Variants in DMP1 observed in about 807,000 individuals in gnomAD.
DMP1 encodes dentin matrix acidic phosphoprotein 1.
Under a neutral mutation model 14.6 loss-of-function variants are expected in DMP1, and 20 were observed. The ratio of observed to expected loss-of-function variants is 1.37; its 90% CI spans 0.96 to 1.99. DMP1 has a LOEUF of 1.99. Ranked by LOEUF, DMP1 falls within the 30% of genes most tolerant of loss-of-function variation. The pLI, the probability that DMP1 is intolerant of heterozygous loss-of-function variation, is 0.00. For synonymous variants in DMP1, 197 were observed against 215.3 expected (o/e 0.91, Z 0.75); for missense variants, 567 against 620.5 (o/e 0.91, Z 0.92).
intron 5 of DMP1, among the ~76,000 whole-genome samples, chr4:87,661,204 ATTTTTTTTTTTTTT>A (rs70957272): frequency 3.4e-3 from 226 of 66,642 alleles, no homozygotes; most frequent in African/African-American, 0.012. Context: ...CAGCCAGCTA[ATTTTTTTTTTTTTT>A]TTTTTTTTTT....
At position 87,663,242 on chromosome 4, in the gene DMP1, C is replaced by T. The variant is rs1172593023; in HGVS notation, c.1464C>T (p.Ser488=). ...DGQLKNIEIE[S]RKLTVDAYHN... ...AGTTGAAAAACATTGAGATAGAGAGCCGGAAATTAACAGTTGATGCCTATC... is the reference window on the plus strand; with the variant it reads ...AGTTGAAAAACATTGAGATAGAGAGTCGGAAATTAACAGTTGATGCCTATC... Residue 488 remains serine (S), a synonymous_variant, in exon 6 of 6, where the codon AGC becomes AGT. Coordinates refer to ENST00000339673, the MANE Select transcript of DMP1 (RefSeq NM_004407.4). 1.2e-6 allele frequency: 2 copies of T among 1,614,052 alleles called. No homozygotes were observed. Among genetic ancestry groups the T allele is most frequent in the African/African-American group, 2.7e-5 (2 of 74,912 alleles).
In DMP1 at chr4:87,659,218, A is replaced by T; in HGVS notation, c.103-2A>T. On this transcript the variant is annotated splice_acceptor_variant, in intron 3 of 5. Coordinates refer to ENST00000339673, the MANE Select transcript of DMP1 (RefSeq NM_004407.4). LOFTEE classifies it high-confidence loss of function. ...TGTTTTCCTTCCTTTCCTTTTTTGC[A>T]GGGTCATTTGGCTCAGGCACCAACA... is the stretch of plus-strand genomic sequence containing the variant. 2 of 1,613,786 alleles carry T rather than the reference A, an allele frequency of 1.2e-6. No homozygotes were observed. Among genetic ancestry groups the T allele is most frequent in the Non-Finnish European group, 1.7e-6 (2 of 1,179,882 alleles).
At chr4:87,652,829 A>G (rs1728559795) in intron 1 of DMP1, among the ~76,000 whole-genome samples, 1 of 152,242 alleles carries the variant, frequency 6.6e-6, no homozygotes. Context: ...TCATGAAATT[A>G]TAACCCTATT....
In DMP1 at chr4:87,662,260, C is replaced by T. The variant is rs1174460196; in HGVS notation, c.482C>T (p.Thr161Ile). ...APQGQDSAQD[T>I]TSESRELDNE... ...CAAGGGCAAGACAGTGCCCAAGATACCACCAGTGAGAGCAGGGAACTTGAC... is the reference window on the plus strand; with the variant it reads ...CAAGGGCAAGACAGTGCCCAAGATATCACCAGTGAGAGCAGGGAACTTGAC... The change falls in exon 6 of 6, where the codon ACC becomes ATC. Residue 161 changes from threonine (T) to isoleucine (I), a missense_variant. Physicochemically the swap from Thr to Ile is moderately conservative, Grantham distance 89. Transcript: ENST00000339673. 6.2e-7 allele frequency: 1 copy of T among 1,614,152 alleles called. No individual in the cohort carries two copies. The highest frequency in any genetic ancestry group is 8.5e-7 in the Non-Finnish European group (1 of 1,180,036).
intron 1 of DMP1, among the ~76,000 whole-genome samples, chr4:87,654,181 T>C (rs1045755782): frequency 2.6e-5 from 4 of 152,200 alleles, no homozygotes; most frequent in African/African-American, 9.7e-5. Flanking sequence ...GAGAATTTCT[T>C]TAAGGCCAGT....
chr4:87,659,700 A>G (rs1254402555), intron 5 of DMP1, among the ~76,000 whole-genome samples: 4 of 152,224 alleles, frequency 2.6e-5, no homozygotes, highest in Non-Finnish European at 4.4e-5. Context: ...GATTGCTGGC[A>G]CTGTGGCCCC....
At chr4:87,654,778 A>G (rs1225712346) in intron 1 of DMP1, among the ~76,000 whole-genome samples, 2 of 152,232 alleles carry the variant, frequency 1.3e-5, no homozygotes, top group Non-Finnish European at 2.9e-5. Flanking sequence ...CTGCATTTCT[A>G]CATAAGATAA....
At position 87,662,365 on chromosome 4, in the gene DMP1, G is replaced by C; in HGVS notation, c.587G>C (p.Gly196Ala). ...ESESEEHWVGGGSDGESSHGD... is the reference protein window; with the variant it reads ...ESESEEHWVGAGSDGESSHGD... The stretch of plus-strand genomic sequence containing the variant: ...GAGAGTGAAGAGCACTGGGTGGGAG[G>C]TGGCAGTGATGGGGAGAGCAGCCAT... The change falls in exon 6 of 6, where the codon GGT (glycine) becomes GCT (alanine). Residue 196 changes from glycine to alanine, a missense_variant. Physicochemically the swap from Gly to Ala is moderately conservative, Grantham distance 60. Transcript: ENST00000339673. The C allele has an allele frequency of 6.2e-7, 1 of 1,614,154 alleles. No homozygotes were observed. The highest frequency in any genetic ancestry group is 8.5e-7 in the Non-Finnish European group (1 of 1,180,028).
At chr4:87,657,269 A>AT in intron 3 of DMP1, 190 bp downstream of exon 3, 1 of 488,108 alleles carries the variant, frequency 2.0e-6, no homozygotes, top group Non-Finnish European at 3.7e-6. Flanking sequence ...AAGGAAGCAT[A>AT]TTTTCTGTTA....
chr4:87,662,647 A>G lies in DMP1; in HGVS notation c.869A>G (p.Glu290Gly). The G allele has an allele frequency of 6.2e-7, 1 of 1,614,176 alleles. No individual in the cohort carries two copies. Among genetic ancestry groups the G allele is most frequent in the Non-Finnish European group, 8.5e-7 (1 of 1,180,036 alleles). ...SELDDNNTME[E>G]VKSDSTENSN... ...CTTGATGACAACAACACAATGGAAG[A>G]AGTCAAGAGTGACTCTACAGAAAAC... is the stretch of plus-strand genomic sequence containing the variant. The change falls in exon 6 of 6, where the codon GAA (glutamate) becomes GGA (glycine). Residue 290 changes from glutamate (E) to glycine (G), a missense_variant. By Grantham distance (98) the Glu-to-Gly change is moderately conservative (BLOSUM62 -2). Transcript: ENST00000339673.
chr4:87,651,446 C>T (rs1041242180), intron 1 of DMP1, among the ~76,000 whole-genome samples: 2 of 152,106 alleles, frequency 1.3e-5, no homozygotes, highest in Non-Finnish European at 2.9e-5. Flanking sequence ...GTTTGTTTCT[C>T]TGGATTCCTG....
At position 87,662,690 on chromosome 4, in the gene DMP1, T is replaced by C; in HGVS notation, c.912T>C (p.Thr304=). ...DSTENSNSRD[T]GLSQPRRDSK... The stretch of plus-strand genomic sequence containing the variant: ...CAGAAAACAGCAACTCCAGAGACAC[T>C]GGCCTCAGCCAACCCAGGAGAGACA... Residue 304 remains threonine, a synonymous_variant, in exon 6 of 6, where the codon ACT becomes ACC. Transcript: ENST00000339673. The C allele has an allele frequency of 6.2e-7, 1 of 1,614,052 alleles. No individual in the cohort carries two copies. Among genetic ancestry groups the C allele is most frequent in the African/African-American group, 1.3e-5 (1 of 75,012 alleles).
intron 1 of DMP1, among the ~76,000 whole-genome samples, chr4:87,652,163 G>C (rs1297429589): frequency 1.3e-5 from 2 of 152,118 alleles, no homozygotes; most frequent in Non-Finnish European, 2.9e-5. Context: ...TCTCACTGTA[G>C]AATGACAGCA....
chr4:87,659,404 G>T (rs879365333), intron 4 of DMP1, 27 bp from the exon 5 acceptor site: 5 of 1,613,206 alleles, frequency 3.1e-6, no homozygotes, highest in Non-Finnish European at 4.2e-6. Context: ...TTACTAAAAA[G>T]AAAAGTAAAC....
Position 87,662,981 on chromosome 4 carries a change from G to C in DMP1, c.1203G>C (p.Glu401Asp), listed in dbSNP as rs1369429188. 6.2e-7 allele frequency: 1 copy of C among 1,614,190 alleles called. No individual in the cohort carries two copies. Among genetic ancestry groups the C allele is most frequent in the East Asian group, 2.2e-5 (1 of 44,868 alleles). ...TLSHSKSESR[E>D]EQADSESSES... ...CCCACTCAAAAAGTGAATCCAGAGA[G>C]GAGCAAGCAGACAGCGAATCCAGTG... Residue 401 changes from glutamate to aspartate, a missense_variant, in exon 6 of 6, where the codon GAG (glutamate) becomes GAC (aspartate). Coordinates refer to ENST00000339673, the MANE Select transcript of DMP1 (RefSeq NM_004407.4).
Position 87,657,194 on chromosome 4 carries a change from A to T in DMP1, c.102+115A>T, listed in dbSNP as rs1388390561. 2.1e-5 allele frequency: 14 copies of T among 674,280 alleles called. No homozygotes were observed. In the Middle Eastern group the frequency reaches 1.7e-3, roughly 80 times the overall value. The allele number at this position is 674,280 out of a possible 1,614,324, so 41.8% of individuals were successfully genotyped here. A position where few individuals can be genotyped will look rare whatever the true frequency, so the allele number is the denominator to read the frequency against. ...TAATGACTTCATCAGCATATTAATA[A>T]GCTAAGCTATAGAGTTCATAGAAGA... On this transcript the variant is annotated intron_variant, in intron 3 of 5. Transcript: ENST00000339673.
At chr4:87,652,936 A>G (rs760803357) in intron 1 of DMP1, among the ~76,000 whole-genome samples, 4 of 152,176 alleles carry the variant, frequency 2.6e-5, no homozygotes, top group Non-Finnish European at 5.9e-5. Flanking sequence ...ATCATATTTG[A>G]GAAAATTTTG....
chr4:87,655,581 G>T (rs1480217639), intron 1 of DMP1, among the ~76,000 whole-genome samples: 1 of 152,004 alleles, frequency 6.6e-6, no homozygotes, highest in East Asian at 1.9e-4. Context: ...CTACTCTAGC[G>T]CATCTCTTGC....
intron 1 of DMP1, among the ~76,000 whole-genome samples, chr4:87,652,448 C>A (rs1381634): frequency 0.28 from 43,020 of 151,988 alleles, 6,680 homozygotes; most frequent in African/African-American, 0.41. Flanking sequence ...TTAATGCTTA[C>A]AGTTGGACTA....
Sources: gnomAD v4.1 joint callset for allele counts (sites outside exome capture counted in the v4.1 genomes callset) on GRCh38, gnomAD v4.1.1 for gene constraint, MANE v1.5 for transcripts, NCBI Gene and HGNC (gene_info 2026-07-23, HGNC 2026-07-21) for gene names.